The following PRR12 variants were observed in gnomAD, a reference collection of about 807,000 sequenced individuals.
PRR12 encodes proline-rich protein 12.
A neutral mutation model predicts 138.0 loss-of-function variants in PRR12; 12 were observed. That is an observed-to-expected ratio of 0.09 (90% CI 0.06 to 0.14). PRR12 has a LOEUF of 0.14. Among genes scored for constraint, PRR12 ranks in the 10% least tolerant of loss-of-function variants. The pLI is 1.00. For missense variants in PRR12, 2,692 were observed against 2,861.3 expected, an observed-to-expected ratio of 0.94 and a Z score of 1.35; for synonymous variants, 1,567 against 1,291.7, an observed-to-expected ratio of 1.21 and a Z score of -4.57.
chr19:49,618,826 C>T (rs529038296), intron 9 of PRR12, among the ~76,000 whole-genome samples: 2 of 151,062 alleles, frequency 1.3e-5, no homozygotes, highest in African/African-American at 4.8e-5. Context: ...CACCTTCATT[C>T]GTTCCTACCT....
At chr19:49,619,810 G>A (rs1226634552) in intron 9 of PRR12, among the ~76,000 whole-genome samples, 2 of 150,338 alleles carry the variant, frequency 1.3e-5, no homozygotes, top group African/African-American at 4.9e-5. Context: ...CCAAAGTGCT[G>A]GGATTGCAGG....
At position 49,597,512 on chromosome 19, in the gene PRR12, C is replaced by T. The variant is rs890457323; in HGVS notation, c.3177C>T (p.Leu1059=). ...PAPASEPKGG[L]TSPIFCSTKP... ...CGGCCTCCGAACCCAAGGGTGGCCT[C>T]ACCTCGCCCATCTTCTGCTCTACCA... The change falls in exon 4 of 14, where the codon CTC becomes CTT. Residue 1059 remains leucine, a synonymous_variant. Transcript: ENST00000418929. The surrounding 1 kb of genome is among the most constrained non-coding windows in gnomAD (Gnocchi z 6.3). The T allele has an allele frequency of 1.0e-5, 16 of 1,556,066 alleles. No homozygotes were observed. The highest frequency in any genetic ancestry group is 1.2e-5 in the South Asian group (1 of 84,380).
At chr19:49,605,919 A>T (rs904715063) in intron 6 of PRR12, among the ~76,000 whole-genome samples, 1 of 152,184 alleles carries the variant, frequency 6.6e-6, no homozygotes, top group Non-Finnish European at 1.5e-5. Flanking sequence ...GGGCCTAGAG[A>T]TGGGGCAGGC....
At chr19:49,618,830 C>G (rs2080905790) in intron 9 of PRR12, among the ~76,000 whole-genome samples, 1 of 151,226 alleles carries the variant, frequency 6.6e-6, no homozygotes, top group African/African-American at 2.4e-5. Context: ...TTCATTCGTT[C>G]CTACCTGGTC....
chr19:49,596,144 G>T lies in PRR12; in HGVS notation c.1809G>T (p.Pro603=). The change falls in exon 4 of 14, where the codon CCG becomes CCT. Residue 603 remains proline, a synonymous_variant. Coordinates refer to ENST00000418929, the MANE Select transcript of PRR12 (RefSeq NM_020719.3). This position sits in a 1 kb window ranked among gnomAD's most constrained non-coding sequence, Gnocchi z 5.6. The part of the protein sequence containing the change: ...VLASAPFLAP[P]GAGSYAAGAG... ...CCTCAGCGCCTTTCCTGGCACCTCC[G>T]GGAGCTGGCAGCTATGCAGCCGGAG... 6.2e-7 allele frequency: 1 copy of T among 1,606,564 alleles called. No homozygotes were observed.
Position 49,620,496 on chromosome 19 carries a change from AGGAG to A in PRR12, c.5623+22_5623+25del. The A allele has an allele frequency of 1.4e-5, 20 of 1,469,448 alleles. No individual in the cohort carries two copies. The highest frequency in any genetic ancestry group is 1.5e-5 in the Non-Finnish European group (16 of 1,084,312). 91.0% of individuals were successfully genotyped at this position (1,469,448 alleles called of 1,614,324 possible). On this transcript the variant is annotated intron_variant, in intron 10 of 13. Coordinates refer to ENST00000418929, the MANE Select transcript of PRR12 (RefSeq NM_020719.3). ...ACGCATGGTGAGCTGAGGCCTGGGGAGGAGGGGGGGGGGCTGACTCGGTCTGAGG... is the reference window on the plus strand; with the variant it reads ...ACGCATGGTGAGCTGAGGCCTGGGGAGGGGGGGGGCTGACTCGGTCTGAGG...
rs772116961 is a variant in PRR12 at position 49,599,793 on chromosome 19, C to T, written c.4200C>T (p.Ser1400=). 24 of 1,613,526 alleles carry T rather than the reference C, an allele frequency of 1.5e-5. No individual in the cohort carries two copies. The highest frequency in any genetic ancestry group is 4.0e-5 in the African/African-American group (3 of 74,930). The change falls in exon 5 of 14, where the codon TCC becomes TCT. Residue 1400 remains serine, a synonymous_variant. Transcript: ENST00000418929. The surrounding 1 kb of genome is among the most constrained non-coding windows in gnomAD (Gnocchi z 5.0). ...KNRDLQESIS[S]AISALDDPPL... is the part of the protein sequence containing the mutation. ...GAGACCTGCAGGAGAGCATCTCCTC[C>T]GCCATCTCTGCCCTCGATGACCCAC...
chr19:49,619,535 CTTT>C (rs760207958), intron 9 of PRR12, among the ~76,000 whole-genome samples: 10 of 67,138 alleles, frequency 1.5e-4, no homozygotes, highest in South Asian at 6.3e-4. Context: ...ATGCCCAGCC[CTTT>C]TTTTTTTTTT....
chr19:49,607,524 G>A (rs2080844873), intron 6 of PRR12, among the ~76,000 whole-genome samples: 2 of 151,220 alleles, frequency 1.3e-5, no homozygotes, highest in African/African-American at 4.9e-5. Flanking sequence ...TGGGCAACAT[G>A]GCAAAACGCC....
intron 6 of PRR12, among the ~76,000 whole-genome samples, chr19:49,612,955 T>C (rs1035722955): frequency 2.0e-5 from 3 of 151,948 alleles, no homozygotes; most frequent in Non-Finnish European, 2.9e-5. Flanking sequence ...GCCACTGCAC[T>C]CAGCCTGGCC....
rs1414514839 is a variant in PRR12, at chr19:49,616,564, G to A, written c.5497+345G>A. On this transcript the variant is annotated intron_variant, in intron 9 of 13. Coordinates refer to ENST00000418929, the MANE Select transcript of PRR12 (RefSeq NM_020719.3). The surrounding 1 kb of genome is among the most constrained non-coding windows in gnomAD (Gnocchi z 4.2). ...AGGGTGCCTCGGACTCTGTTCTTCA[G>A]TGCTGCGTTCTGCCTCATAATAGGC... Among the ~76,000 whole-genome samples, 3 of 152,148 alleles carry A rather than the reference G, an allele frequency of 2.0e-5. No individual in the cohort carries two copies. Among genetic ancestry groups the A allele is most frequent in the African/African-American group, 7.2e-5 (3 of 41,416 alleles).
intron 8 of PRR12, 23 bp from the exon 9 acceptor site, chr19:49,615,724 G>A (rs2080888608): frequency 6.3e-7 from 1 of 1,599,732 alleles, no homozygotes; most frequent in Non-Finnish European, 8.5e-7. Flanking sequence ...GCTGACTACA[G>A]TCCCTTCTCT....
At chr19:49,622,951 A>G (rs1013965508) in intron 11 of PRR12, among the ~76,000 whole-genome samples, 9 of 114,512 alleles carry the variant, frequency 7.9e-5, no homozygotes, top group East Asian at 6.3e-4. Flanking sequence ...AGAGAGAGAG[A>G]GAGAGAAAGA....
chr19:49,604,601 C>T, intron 6 of PRR12, among the ~76,000 whole-genome samples: 1 of 151,950 alleles, frequency 6.6e-6, no homozygotes, highest in South Asian at 2.1e-4. Flanking sequence ...TTGCTTGAAC[C>T]TGGGAGGCGG....
chr19:49,601,237 A>G (rs1303803626), intron 5 of PRR12, among the ~76,000 whole-genome samples: 1 of 152,096 alleles, frequency 6.6e-6, no homozygotes, highest in East Asian at 1.9e-4. Context: ...GTTAAGAACC[A>G]GACAAGGGCT....
In PRR12 at chr19:49,596,624, C is replaced by A; in HGVS notation, c.2289C>A (p.Ser763Arg). The change falls in exon 4 of 14, where the codon AGC (serine) becomes AGA (arginine). Residue 763 changes from serine (S) to arginine (R), a missense_variant. Ser to Arg is a moderately radical substitution (Grantham distance 110). Transcript: ENST00000418929. The surrounding 1 kb of genome is among the most constrained non-coding windows in gnomAD (Gnocchi z 5.6). ...AGCTGGGGGCCTTCTTGCAAAAGAGCCCTCCGCCCCCACCTCCCACGGCCC... is the reference window on the plus strand; with the variant it reads ...AGCTGGGGGCCTTCTTGCAAAAGAGACCTCCGCCCCCACCTCCCACGGCCC... ...AKELGAFLQK[S>R]PPPPPPTAQS... The A allele has an allele frequency of 6.3e-7, 1 of 1,592,046 alleles. No homozygotes were observed.
rs1442906171 is a variant in PRR12, at chr19:49,596,989, G to C, written c.2654G>C (p.Gly885Ala). The C allele has an allele frequency of 6.4e-7, 1 of 1,557,964 alleles. No homozygotes were observed. Among genetic ancestry groups the C allele is most frequent in the Non-Finnish European group, 8.7e-7 (1 of 1,155,014 alleles). The change falls in exon 4 of 14, where the codon GGG becomes GCG. Residue 885 changes from glycine (G) to alanine (A), a missense_variant. This residue lies in a region of PRR12 where 840 missense variants were observed against 689.8 expected (regional missense o/e 1.22). Coordinates refer to ENST00000418929, the MANE Select transcript of PRR12 (RefSeq NM_020719.3). The surrounding 1 kb of genome is among the most constrained non-coding windows in gnomAD (Gnocchi z 5.6). ...DPPGAMQELL[G>A]ALEPLPPAPG... ...CCAGGCGCCATGCAGGAATTGCTCGGGGCTCTGGAGCCGCTGCCCCCGGCG... is the reference window on the plus strand; with the variant it reads ...CCAGGCGCCATGCAGGAATTGCTCGCGGCTCTGGAGCCGCTGCCCCCGGCG...
chr19:49,606,292 C>T (rs2122330033), intron 6 of PRR12, among the ~76,000 whole-genome samples: 1 of 151,416 alleles, frequency 6.6e-6, no homozygotes, highest in African/African-American at 2.4e-5. Context: ...GTGTGAGCCA[C>T]TGTGTCTGGA....
intron 10 of PRR12, among the ~76,000 whole-genome samples, chr19:49,621,198 G>A (rs1219481639): frequency 7.1e-6 from 1 of 140,202 alleles, no homozygotes; most frequent in African/African-American, 2.7e-5. Context: ...GGACTCCTGG[G>A]TCTGAGGGAG....
Sources: allele counts gnomAD v4.1 joint callset (sites outside exome capture counted in the v4.1 genomes callset), GRCh38; gene constraint gnomAD v4.1.1; regional missense constraint gnomAD v4.1.1; non-coding constraint Gnocchi (gnomAD v3.1); transcripts MANE v1.5; gene names NCBI Gene and HGNC (gene_info 2026-07-23, HGNC 2026-07-21).